Variants in CIB3 observed in about 807,000 individuals in gnomAD.
The protein encoded by CIB3 is calcium and integrin binding family member 3.
CIB3 carries 22 observed loss-of-function variants against 23.4 expected under a neutral mutation model. The ratio of observed to expected loss-of-function variants is 0.94; its 90% CI spans 0.67 to 1.34. The LOEUF is 1.34. Among genes scored for constraint, CIB3 ranks in the 40% most tolerant of loss-of-function variants. The pLI is 0.00. For missense variants in CIB3, 258 were observed against 247.3 expected, an observed-to-expected ratio of 1.04 and a Z score of -0.29; for synonymous variants, 93 against 95.8, an observed-to-expected ratio of 0.97 and a Z score of 0.17.
chr19:16,173,411 C>G lies in CIB3; in HGVS notation c.51+14G>C, dbSNP rs766843945. On this transcript the variant is annotated intron_variant, in intron 1 of 5. Coordinates refer to ENST00000269878, the MANE Select transcript of CIB3 (RefSeq NM_054113.4). ...TTGTCAAACCCACTGAGGACCCATC[C>G]TGCCCCCCTCTACCTGATACGCTTC... The G allele has an allele frequency of 2.5e-6, 4 of 1,612,486 alleles. No individual in the cohort carries two copies. Among genetic ancestry groups the G allele is most frequent in the South Asian group, 1.1e-5 (1 of 91,050 alleles).
chr19:16,173,270 C>T, intron 1 of CIB3, 74 bp from the exon 2 acceptor site: 2 of 1,606,894 alleles, frequency 1.2e-6, no homozygotes, highest in East Asian at 4.5e-5. Context: ...CCCTCCACCC[C>T]ACACTCACAC....
At chr19:16,169,497 A>T in intron 3 of CIB3, 133 bp downstream of exon 3, 1 of 792,552 alleles carries the variant, frequency 1.3e-6, no homozygotes, top group Non-Finnish European at 2.1e-6. Context: ...ACCATGAACA[A>T]GTGTCTTAAC....
rs2091300230 is a variant in CIB3, at chr19:16,164,991, G to C, written c.347-78C>G. ...GGCTGTGGGCACATACTGTGCCCAT[G>C]TTACAAGAAGGGGAAACTAAGGTCG... On this transcript the variant is annotated intron_variant, in intron 4 of 5. Transcript: ENST00000269878. 7.9e-6 allele frequency: 10 copies of C among 1,267,006 alleles called. No individual in the cohort carries two copies. The South Asian group carries it at 1.3e-4, about 16-fold the overall frequency. 78.5% of individuals were successfully genotyped at this position (1,267,006 alleles called of 1,614,324 possible). A position where few individuals can be genotyped will look rare whatever the true frequency, so the allele number is the denominator to read the frequency against.
At chr19:16,166,398 C>T (rs772258759) in intron 4 of CIB3, among the ~76,000 whole-genome samples, 4 of 152,094 alleles carry the variant, frequency 2.6e-5, no homozygotes, top group Admixed American at 1.3e-4. Context: ...ACACGTACTA[C>T]GTATCAAGCA....
chr19:16,164,700 G>A lies in CIB3; in HGVS notation c.542+18C>T, dbSNP rs769320840. 1.4e-5 allele frequency: 22 copies of A among 1,609,088 alleles called. No homozygotes were observed. Among genetic ancestry groups the A allele is most frequent in the African/African-American group, 4.0e-5 (3 of 74,798 alleles). On this transcript the variant is annotated intron_variant, in intron 5 of 5. Coordinates refer to ENST00000269878, the MANE Select transcript of CIB3 (RefSeq NM_054113.4). ...TCAGATGTGCAAATGGACTGTGGGC[G>A]GTGACGGAGAGCATCACCTGAGGAA... is the stretch of plus-strand genomic sequence containing the variant.
rs755084218 is a variant in CIB3 at position 16,164,753 on chromosome 19, G to A, written c.507C>T (p.Phe169=). 9 of 1,613,912 alleles carry A rather than the reference G, an allele frequency of 5.6e-6. No homozygotes were observed. The East Asian group carries it at 1.8e-4, about 32-fold the overall frequency. ...CTGGTGCCCGGAGGATCATGTTCTG[G>A]AAATCTTCCAGGGACAGCCGCCCAT... The part of the protein sequence containing the change: ...DHDGRLSLED[F]QNMILRAPDF... The change falls in exon 5 of 6, where the codon TTC becomes TTT. Residue 169 remains phenylalanine (F), a synonymous_variant. Transcript: ENST00000269878.
At chr19:16,173,282 G>C in intron 1 of CIB3, 86 bp from the exon 2 acceptor site, 1 of 1,596,662 alleles carries the variant, frequency 6.3e-7, no homozygotes. Context: ...CACTCACACA[G>C]ATGGCCTGAT....
chr19:16,162,956 C>G (rs2091291106), intron 5 of CIB3, among the ~76,000 whole-genome samples: 1 of 140,444 alleles, frequency 7.1e-6, no homozygotes, highest in Non-Finnish European at 1.5e-5. Context: ...AATCGTGGCT[C>G]ACTGCAAACC....
intron 5 of CIB3, among the ~76,000 whole-genome samples, chr19:16,162,912 ACAGAGTCTCG>A (rs2091290915): frequency 1.8e-5 from 2 of 111,910 alleles, no homozygotes; most frequent in Non-Finnish European, 3.4e-5. Context: ...TTTTTTTGAG[ACAGAGTCTCG>A]CTCAAGCTGG....
intron 4 of CIB3, 47 bp downstream of exon 4, chr19:16,168,088 ACT>A: frequency 5.0e-6 from 7 of 1,409,714 alleles, no homozygotes; most frequent in East Asian, 2.6e-5. Flanking sequence ...CCCAGTTCCC[ACT>A]CCCCACCCCA....
At chr19:16,172,433 G>T (rs2091332353) in intron 2 of CIB3, among the ~76,000 whole-genome samples, 1 of 152,074 alleles carries the variant, frequency 6.6e-6, no homozygotes, top group African/African-American at 2.4e-5. Flanking sequence ...GGGATTACAG[G>T]CATGAGCCAC....
intron 2 of CIB3, among the ~76,000 whole-genome samples, chr19:16,170,242 G>T (rs1052999962): frequency 2.0e-5 from 3 of 152,142 alleles, no homozygotes; most frequent in African/African-American, 7.2e-5. Flanking sequence ...CAGGGTCAAG[G>T]TGCAGAGAGG....
At chr19:16,162,284 C>T (rs1197292308) in intron 5 of CIB3, among the ~76,000 whole-genome samples, 3 of 145,900 alleles carry the variant, frequency 2.1e-5, no homozygotes, top group Non-Finnish European at 4.5e-5. Context: ...GTTAGCTAGG[C>T]GTGGTGGTGT....
rs1190312057 is a variant in CIB3, at chr19:16,173,215, T to G, written c.52-19A>C. On this transcript the variant is annotated intron_variant, in intron 1 of 5. Transcript: ENST00000269878. ...TGCAGTCCTGTGGAGAGAGGTGTTG[T>G]CTTAACCCGAACCCTGCCTCTGGGG... 6.2e-7 allele frequency: 1 copy of G among 1,613,996 alleles called. No individual in the cohort carries two copies. The highest frequency in any genetic ancestry group is 1.7e-5 in the Admixed American group (1 of 59,996).
intron 3 of CIB3, 121 bp downstream of exon 3, chr19:16,169,507 CCT>C (rs1368211807): frequency 1.1e-6 from 1 of 877,470 alleles, no homozygotes. Context: ...AGTGTCTTAA[CCT>C]CTCTGAGTCT....
chr19:16,165,176 C>A (rs1199683867), intron 4 of CIB3, among the ~76,000 whole-genome samples: 1 of 151,376 alleles, frequency 6.6e-6, no homozygotes. Flanking sequence ...ACCTGTAATC[C>A]CAGCTATTCA....
rs751975047 is a variant in CIB3 at position 16,164,851 on chromosome 19, G to A, written c.409C>T (p.Arg137Trp). Reference protein sequence around the residue: ...DLEQTVTKLTRGGLSAEEVSL... With the variant: ...DLEQTVTKLTWGGLSAEEVSL... ...ACCTCCTCGGCACTCAGCCCCCCCCGCGTCAGTTTGGTCACCGTCTGCTCC... is the reference window on the plus strand; with the variant it reads ...ACCTCCTCGGCACTCAGCCCCCCCCACGTCAGTTTGGTCACCGTCTGCTCC... The change falls in exon 5 of 6, where the codon CGG (arginine) becomes TGG (tryptophan). Residue 137 changes from arginine (R) to tryptophan (W), a missense_variant. Coordinates refer to ENST00000269878, the MANE Select transcript of CIB3 (RefSeq NM_054113.4). 10 of 1,613,848 alleles carry A rather than the reference G, an allele frequency of 6.2e-6. No homozygotes were observed. The highest frequency in any genetic ancestry group is 1.6e-4 in the Middle Eastern group (1 of 6,084).
At chr19:16,172,699 C>A (rs1246066968) in intron 2 of CIB3, among the ~76,000 whole-genome samples, 4 of 152,044 alleles carry the variant, frequency 2.6e-5, no homozygotes, top group African/African-American at 9.7e-5. Flanking sequence ...CCTGTAATCC[C>A]AGCACTTTGG....
rs763743283 is a variant in CIB3, at chr19:16,161,420, A to G, written c.*45T>C. 2.5e-6 allele frequency: 4 copies of G among 1,603,850 alleles called. No individual in the cohort carries two copies. The South Asian group carries it at 3.3e-5, about 13-fold the overall frequency. ...CAGAAACCAGAGTCCACAGCGGGTG[A>G]GGGGTCACCCCGCCCTCCTATAGCT... On this transcript the variant is annotated 3_prime_UTR_variant, in exon 6 of 6. Transcript: ENST00000269878.
Sources: allele counts gnomAD v4.1 joint callset (sites outside exome capture counted in the v4.1 genomes callset), GRCh38; gene constraint gnomAD v4.1.1; transcripts MANE v1.5; gene names NCBI Gene and HGNC (gene_info 2026-07-23, HGNC 2026-07-21).